Variants in RBM20 observed in about 807,000 individuals in gnomAD.
RBM20 encodes RNA binding motif protein 20.
In RBM20, 51 loss-of-function variants were observed where a neutral mutation model predicts 110.1. The ratio of observed to expected loss-of-function variants is 0.46; its 90% confidence interval spans 0.37 to 0.59. RBM20 has a LOEUF of 0.59. RBM20 is among the 20% of genes least tolerant of loss of function. The pLI is 0.00. For synonymous variants in RBM20, 589 were observed against 618.2 expected (o/e 0.95, Z 0.70); for missense variants, 1,512 against 1,574.9 (o/e 0.96, Z 0.68).
rs77160868 is a variant in RBM20 at position 110,646,503 on chromosome 10, G to A, written c.191+1858G>A. Among the ~76,000 whole-genome samples, 475 of 152,292 alleles carry A rather than the reference G, an allele frequency of 3.1e-3. 1 individual carries two copies. Among genetic ancestry groups the A allele is most frequent in the African/African-American group, 0.011 (447 of 41,548 alleles). On this transcript the variant is annotated intron_variant, in intron 1 of 13. Coordinates refer to ENST00000369519, the MANE Select transcript of RBM20 (RefSeq NM_001134363.3). ...CAAGAAGCGCCTCATGGCTTTGCTT[G>A]CTTTACATTGGTGACGGATCAGTGT...
intron 1 of RBM20, among the ~76,000 whole-genome samples, chr10:110,729,620 G>A (rs910480029): frequency 1.3e-5 from 2 of 152,222 alleles, no homozygotes; most frequent in African/African-American, 2.4e-5. Context: ...AAAGTCAGGT[G>A]TGATCAGTTA....
intron 1 of RBM20, among the ~76,000 whole-genome samples, chr10:110,682,045 A>G (rs1290881106): frequency 6.6e-6 from 1 of 151,986 alleles, no homozygotes; most frequent in Non-Finnish European, 1.5e-5. Context: ...GCCCATCACC[A>G]TGCCCGGCTA....
intron 1 of RBM20, among the ~76,000 whole-genome samples, chr10:110,738,657 A>G (rs1289599091): frequency 6.6e-6 from 1 of 152,100 alleles, no homozygotes. Context: ...CTTTCCTGAA[A>G]CAGTGACACA....
At chr10:110,659,749 TTCTTCTTCCTCTTCC>T (rs1317958757) in intron 1 of RBM20, among the ~76,000 whole-genome samples, 27 of 149,542 alleles carry the variant, frequency 1.8e-4, no homozygotes, top group East Asian at 1.4e-3. Flanking sequence ...CCTCTTCCTC[TTCTTCTTCCTCTTCC>T]TCTTCTTCCT....
intron 1 of RBM20, among the ~76,000 whole-genome samples, chr10:110,660,098 G>A (rs947505723): frequency 2.0e-5 from 3 of 152,100 alleles, no homozygotes; most frequent in Admixed American, 1.3e-4. Context: ...GATTATAGGT[G>A]TGAGTGACCA....
Position 110,769,882 on chromosome 10 carries a change from C to A in RBM20, c.192-10919C>A, listed in dbSNP as rs961371792. On this transcript the variant is annotated intron_variant, in intron 1 of 13. Coordinates refer to ENST00000369519, the MANE Select transcript of RBM20 (RefSeq NM_001134363.3). ...TACAGTTGTGCGCCACCATGCCTGGCCAATCTAAAAAATTTTTTTAGAGAC... is the reference window on the plus strand; with the variant it reads ...TACAGTTGTGCGCCACCATGCCTGGACAATCTAAAAAATTTTTTTAGAGAC... 2.0e-5 allele frequency among the ~76,000 whole-genome samples: 3 copies of A among 151,976 alleles called. No individual in the cohort carries two copies. In the East Asian group the frequency reaches 5.8e-4, roughly 29 times the overall value.
chr10:110,733,159 C>T (rs1174447831), intron 1 of RBM20, among the ~76,000 whole-genome samples: 2 of 152,208 alleles, frequency 1.3e-5, no homozygotes, highest in Non-Finnish European at 2.9e-5. Context: ...AAACAATGCC[C>T]TTTCAGAAAA....
At position 110,644,690 on chromosome 10, in the gene RBM20, C is replaced by T; in HGVS notation, c.191+45C>T. The T allele has an allele frequency of 7.3e-7, 1 of 1,375,154 alleles. No individual in the cohort carries two copies. The highest frequency in any genetic ancestry group is 9.6e-7 in the Non-Finnish European group (1 of 1,047,072). 85.2% of individuals were successfully genotyped at this position (1,375,154 alleles called of 1,614,324 possible). On this transcript the variant is annotated intron_variant, in intron 1 of 13. Coordinates refer to ENST00000369519, the MANE Select transcript of RBM20 (RefSeq NM_001134363.3). The surrounding 1 kb of genome is among the most constrained non-coding windows in gnomAD (Gnocchi z 4.3). ...CAGGGACCACGGGTGCGCCTGGGGACACGCCCCGAGAGCCCCCTTTGTGGC... is the reference window on the plus strand; with the variant it reads ...CAGGGACCACGGGTGCGCCTGGGGATACGCCCCGAGAGCCCCCTTTGTGGC...
rs1209702206 is a variant in RBM20 at position 110,766,338 on chromosome 10, TG to T, written c.192-14462del. 3.7e-3 allele frequency among the ~76,000 whole-genome samples: 569 copies of T among 152,234 alleles called. 5 individuals carry two copies. Among genetic ancestry groups the T allele is most frequent in the African/African-American group, 0.013 (541 of 41,492 alleles). Reference sequence around the variant, plus strand: ...GTTTTTTTTTTTGTTTTTTGTTTTTTGTTTTAATTGATCATTCTTGGGTGTT... The same window carrying T: ...GTTTTTTTTTTTGTTTTTTGTTTTTTTTTTAATTGATCATTCTTGGGTGTT... On this transcript the variant is annotated intron_variant, in intron 1 of 13. Coordinates refer to ENST00000369519, the MANE Select transcript of RBM20 (RefSeq NM_001134363.3).
intron 1 of RBM20, among the ~76,000 whole-genome samples, chr10:110,689,260 C>T (rs1862551841): frequency 6.6e-6 from 1 of 152,218 alleles, no homozygotes; most frequent in African/African-American, 2.4e-5. Context: ...TGACTGGGGC[C>T]TCCCATGAGT....
At position 110,823,647 on chromosome 10, in the gene RBM20, A is replaced by G. The variant is rs184910746; in HGVS notation, c.3451+33A>G. On this transcript the variant is annotated intron_variant, in intron 12 of 13. Transcript: ENST00000369519. The stretch of plus-strand genomic sequence containing the variant: ...AAACACACAGTCTTTCCTGAAATTC[A>G]GGTCTAGGAAATAACAGTTCCATAG... 3.2e-4 allele frequency: 503 copies of G among 1,549,534 alleles called. 8 individuals carry two copies. The South Asian group carries it at 4.4e-3, about 14-fold the overall frequency.
intron 1 of RBM20, among the ~76,000 whole-genome samples, chr10:110,740,826 A>C (rs1564831400): frequency 6.6e-6 from 1 of 152,180 alleles, no homozygotes; most frequent in Admixed American, 6.5e-5. Flanking sequence ...ATGGACGTCC[A>C]TGTTAACTCT....
At chr10:110,725,188 T>C (rs1229135508) in intron 1 of RBM20, among the ~76,000 whole-genome samples, 1 of 152,216 alleles carries the variant, frequency 6.6e-6, no homozygotes, top group African/African-American at 2.4e-5. Context: ...AGTGTACTAG[T>C]GGTGCTAACA....
intron 5 of RBM20, among the ~76,000 whole-genome samples, chr10:110,792,513 G>C (rs765735588): frequency 2.0e-5 from 3 of 152,172 alleles, no homozygotes; most frequent in Admixed American, 6.5e-5. Flanking sequence ...CTGTTTTACA[G>C]ACAAGCCAAC....
intron 5 of RBM20, among the ~76,000 whole-genome samples, chr10:110,792,294 A>G (rs565993724): frequency 1.4e-4 from 22 of 152,246 alleles, no homozygotes; most frequent in African/African-American, 4.3e-4. Context: ...TGAATTTCCT[A>G]AGAATACAGA....
At chr10:110,650,166 C>A (rs1399573303) in intron 1 of RBM20, among the ~76,000 whole-genome samples, 2 of 152,130 alleles carry the variant, frequency 1.3e-5, no homozygotes, top group Admixed American at 6.5e-5. Context: ...AGGACCCCTC[C>A]CCCCAAATAA....
At chr10:110,721,120 C>T (rs1045781734) in intron 1 of RBM20, among the ~76,000 whole-genome samples, 1 of 152,206 alleles carries the variant, frequency 6.6e-6, no homozygotes, top group African/African-American at 2.4e-5. Flanking sequence ...TCAAGCACCC[C>T]GTAATCCCTT....
At chr10:110,751,665 A>G (rs1843854908) in intron 1 of RBM20, among the ~76,000 whole-genome samples, 1 of 152,236 alleles carries the variant, frequency 6.6e-6, no homozygotes, top group Non-Finnish European at 1.5e-5. Flanking sequence ...AATGAGTTAT[A>G]ATAGTAATTT....
rs1014218624 is a variant in RBM20, at chr10:110,769,436, C to T, written c.192-11365C>T. On this transcript the variant is annotated intron_variant, in intron 1 of 13. Transcript: ENST00000369519. ...GATGGAGGTATGCTTTCTCCCTTTC[C>T]AACAAACCTGGTAATATGATGCCAA... Among the ~76,000 whole-genome samples, 3 of 132,820 alleles carry T rather than the reference C, an allele frequency of 2.3e-5. No individual in the cohort carries two copies. In the East Asian group the frequency reaches 6.5e-4, roughly 29 times the overall value. The allele number at this position is 132,820 out of a possible 152,430, so 87.1% of individuals were successfully genotyped here.
Sources: allele counts gnomAD v4.1 joint callset (sites outside exome capture counted in the v4.1 genomes callset), GRCh38; gene constraint gnomAD v4.1.1; non-coding constraint Gnocchi (gnomAD v3.1); transcripts MANE v1.5; gene names NCBI Gene and HGNC (gene_info 2026-07-23, HGNC 2026-07-21).